Variants in FGF14 observed in about 807,000 individuals in gnomAD.
The protein encoded by FGF14 is fibroblast growth factor 14.
Under a neutral mutation model 25.5 loss-of-function variants are expected in FGF14, and 5 were observed. That is an observed-to-expected ratio of 0.20 (90% confidence interval 0.10 to 0.41). The LOEUF (loss-of-function observed/expected upper bound fraction) is 0.41. Ranked by LOEUF, FGF14 falls within the 10% of genes least tolerant of loss-of-function variation. The probability of loss-of-function intolerance (pLI) is 1.00; values close to 1 mark genes in which losing one functional copy is unlikely to be tolerated. For synonymous variants in FGF14, 138 were observed against 118.3 expected (o/e 1.17, Z -1.08); for missense variants, 222 against 320.1 (o/e 0.69, Z 2.34).
upstream of FGF14, among the ~76,000 whole-genome samples, chr13:101,918,872 T>C (rs2033781869): frequency 6.6e-6 from 1 of 152,252 alleles, no homozygotes; most frequent in South Asian, 2.1e-4. Flanking sequence ...CACTTTGCTA[T>C]GTTACATCTA....
chr13:102,230,014 A>G lies in FGF14; in HGVS notation c.208+171457T>C, dbSNP rs9585877. ...GAATGTTTACATTCCTCCAAAATTT[A>G]CGTATTGCAATCCTCACCCCCAAGG... On this transcript the variant is annotated intron_variant, in intron 1 of 4. Transcript: ENST00000376131. Among the ~76,000 whole-genome samples the G allele has an allele frequency of 1.1e-3, 168 of 152,280 alleles. 1 individual carries two copies. Among genetic ancestry groups the G allele is most frequent in the African/African-American group, 3.8e-3 (157 of 41,566 alleles).
intron 1 of FGF14, among the ~76,000 whole-genome samples, chr13:101,894,618 A>C (rs1016836945): frequency 1.4e-4 from 22 of 152,176 alleles, no homozygotes; most frequent in Admixed American, 1.2e-3. Context: ...TATATTGCTT[A>C]ACATATACCC....
chr13:102,185,061 G>A (rs892314555), intron 1 of FGF14, among the ~76,000 whole-genome samples: 1 of 152,000 alleles, frequency 6.6e-6, no homozygotes, highest in African/African-American at 2.4e-5. Context: ...AGTAAAGAAA[G>A]CATATGTTCT....
chr13:102,348,334 C>G (rs186778696), intron 1 of FGF14, among the ~76,000 whole-genome samples: 2 of 152,034 alleles, frequency 1.3e-5, no homozygotes, highest in Non-Finnish European at 2.9e-5. Flanking sequence ...GGAGATGTTA[C>G]GGGATACAGC....
intron 1 of FGF14, among the ~76,000 whole-genome samples, chr13:102,125,646 T>C (rs2045920538): frequency 6.6e-6 from 1 of 152,162 alleles, no homozygotes; most frequent in Non-Finnish European, 1.5e-5. Flanking sequence ...AGAAAAGCCA[T>C]TTTACATTCA....
At chr13:101,855,974 C>T (rs2044108744) in intron 3 of FGF14, among the ~76,000 whole-genome samples, 1 of 151,214 alleles carries the variant, frequency 6.6e-6, no homozygotes, top group Admixed American at 6.6e-5. Context: ...AGTGTGCAAG[C>T]CTTCTTGTAC....
chr13:101,929,151 A>G (rs2034575054), intron 1 of FGF14, among the ~76,000 whole-genome samples: 1 of 152,074 alleles, frequency 6.6e-6, no homozygotes, highest in African/African-American at 2.4e-5. Context: ...TATAGCGGGG[A>G]AGATGTTGAC....
chr13:102,132,073 T>C (rs2046221669), intron 1 of FGF14, among the ~76,000 whole-genome samples: 1 of 152,170 alleles, frequency 6.6e-6, no homozygotes, highest in African/African-American at 2.4e-5. Flanking sequence ...CTCTCCTGAA[T>C]ATCCCAGAGA....
At chr13:101,856,703 A>G (rs931383974) in intron 3 of FGF14, among the ~76,000 whole-genome samples, 7 of 152,006 alleles carry the variant, frequency 4.6e-5, no homozygotes, top group African/African-American at 1.7e-4. Context: ...CTTCTAATAA[A>G]ACAGTTGTTT....
intron 3 of FGF14, among the ~76,000 whole-genome samples, chr13:101,851,660 C>T (rs1335756982): frequency 6.6e-6 from 1 of 152,086 alleles, no homozygotes; most frequent in East Asian, 1.9e-4. Flanking sequence ...TTTCCTAGCT[C>T]GCCTTTCTCT....
intron 3 of FGF14, among the ~76,000 whole-genome samples, chr13:101,852,168 C>T (rs2043884549): frequency 6.6e-6 from 1 of 151,942 alleles, no homozygotes; most frequent in Admixed American, 6.6e-5. Flanking sequence ...GGCTGGTTGC[C>T]ATATCTATCA....
intron 3 of FGF14, among the ~76,000 whole-genome samples, chr13:101,839,773 C>T (rs568906822): frequency 3.3e-5 from 5 of 151,990 alleles, no homozygotes; most frequent in South Asian, 2.1e-4. Context: ...ATCATTTTGA[C>T]GATCATCACA....
intron 3 of FGF14, among the ~76,000 whole-genome samples, chr13:101,731,349 T>A (rs2035799293): frequency 6.6e-6 from 1 of 152,176 alleles, no homozygotes; most frequent in South Asian, 2.1e-4. Context: ...CTTGCCTCCT[T>A]GACTATGTTT....
chr13:101,903,023 T>A (rs897192319), intron 1 of FGF14, among the ~76,000 whole-genome samples: 4 of 152,198 alleles, frequency 2.6e-5, no homozygotes, highest in Non-Finnish European at 5.9e-5. Flanking sequence ...AATGTTGCCA[T>A]CTAGATCAGC....
chr13:102,371,189 AAAC>A (rs913970574), intron 1 of FGF14, among the ~76,000 whole-genome samples: 6 of 152,188 alleles, frequency 3.9e-5, no homozygotes, highest in African/African-American at 1.4e-4. Flanking sequence ...TATACAATAA[AAAC>A]AAAATTTATA....
At chr13:101,998,732 A>C (rs770803156) in intron 1 of FGF14, among the ~76,000 whole-genome samples, 2 of 152,152 alleles carry the variant, frequency 1.3e-5, no homozygotes, top group African/African-American at 2.4e-5. Flanking sequence ...ATCATGATGT[A>C]ATGGGAGGAA....
intron 1 of FGF14, among the ~76,000 whole-genome samples, chr13:102,125,766 C>T (rs979209002): frequency 9.9e-5 from 15 of 152,110 alleles, no homozygotes; most frequent in African/African-American, 3.1e-4. Flanking sequence ...ATATATTTTG[C>T]ATAGTGTGTC....
intron 1 of FGF14, among the ~76,000 whole-genome samples, chr13:102,331,124 A>C (rs1282353968): frequency 6.6e-6 from 1 of 152,194 alleles, no homozygotes; most frequent in African/African-American, 2.4e-5. Context: ...AAAATTATTA[A>C]AGTAAATAAA....
chr13:102,133,671 C>A (rs1270096734), intron 1 of FGF14, among the ~76,000 whole-genome samples: 1 of 152,164 alleles, frequency 6.6e-6, no homozygotes, highest in East Asian at 1.9e-4. Flanking sequence ...CAATTGTTAA[C>A]CGACAATTGG....
Sources: allele counts gnomAD v4.1 joint callset (sites outside exome capture counted in the v4.1 genomes callset), GRCh38; gene constraint gnomAD v4.1.1; transcripts MANE v1.5; gene names NCBI Gene and HGNC (gene_info 2026-07-23, HGNC 2026-07-21).